ARHGAP32: variants seen among roughly 807,000 people sequenced by gnomAD.
ARHGAP32 encodes the protein Rho GTPase activating protein 32.
Under a neutral mutation model 186.5 loss-of-function variants are expected in ARHGAP32, and 51 were observed. That is an observed-to-expected ratio of 0.27 (90% CI 0.22 to 0.35). The LOEUF (loss-of-function observed/expected upper bound fraction) is 0.35, where lower values mean the gene tolerates loss of function less well. Ranked by LOEUF, ARHGAP32 falls within the 10% of genes least tolerant of loss-of-function variation. The pLI, the probability that ARHGAP32 is intolerant of heterozygous loss-of-function variation, is 1.00. For synonymous variants in ARHGAP32, 950 were observed against 964.3 expected, an observed-to-expected ratio of 0.99 and a Z score of 0.27; for missense variants, 2,186 against 2,623.5, an observed-to-expected ratio of 0.83 and a Z score of 3.64.
At chr11:129,062,539 G>A (rs1940543114) in intron 9 of ARHGAP32, among the ~76,000 whole-genome samples, 182 bp from the exon 10 acceptor site, 1 of 152,092 alleles carries the variant, frequency 6.6e-6, no homozygotes, top group South Asian at 2.1e-4. Flanking sequence ...ATTTGTTAAA[G>A]AGAGGTCTAC....
upstream of ARHGAP32, among the ~76,000 whole-genome samples, chr11:129,193,815 A>G (rs1457752949): frequency 8.0e-5 from 11 of 137,486 alleles, no homozygotes; most frequent in Non-Finnish European, 1.4e-4. Flanking sequence ...AAACAACAGA[A>G]CAACATTATA....
chr11:129,022,825 G>C (rs1005394507), intron 11 of ARHGAP32, among the ~76,000 whole-genome samples: 2 of 151,986 alleles, frequency 1.3e-5, no homozygotes, highest in East Asian at 1.9e-4. Flanking sequence ...AGTCCTTCCT[G>C]CTCTAATTTT....
rs138051393 is a variant in ARHGAP32 at position 128,970,480 on chromosome 11, G to A, written c.4733C>T (p.Ser1578Phe). 1.2e-6 allele frequency: 2 copies of A among 1,614,164 alleles called. No individual in the cohort carries two copies. The highest frequency in any genetic ancestry group is 1.7e-6 in the Non-Finnish European group (2 of 1,180,018). ...RVEYVSSLSS[S>F]VRNTCYPEDI... ...TTCGGGGTAACAGGTATTCCTGACAGAGGAGCTCAAAGAAGACACATACTC... is the reference window on the plus strand; with the variant it reads ...TTCGGGGTAACAGGTATTCCTGACAAAGGAGCTCAAAGAAGACACATACTC... The change falls in exon 23 of 23, where the codon TCT (serine) becomes TTT (phenylalanine). Residue 1578 changes from serine to phenylalanine, a missense_variant. Ser to Phe is a radical substitution (Grantham distance 155). Coordinates refer to ENST00000682385, the MANE Select transcript of ARHGAP32 (RefSeq NM_001378024.1). The surrounding 1 kb of genome is among the most constrained non-coding windows in gnomAD (Gnocchi z 5.8).
rs538528162 is a variant in ARHGAP32, at chr11:129,274,763, T to A, written c.-5+4383A>T. Among the ~76,000 whole-genome samples the A allele has an allele frequency of 6.5e-4, 99 of 151,512 alleles. No individual in the cohort carries two copies. The East Asian group carries it at 0.016, about 25-fold the overall frequency. ...ACTAGATCTATTTAGAAAAAAAAAA[T>A]TAGCTTTTATTATTTCAACTCTGAG... On this transcript the variant is annotated intron_variant, in intron 1 of 6. Coordinates refer to the ARHGAP32 transcript ENST00000525234.
At chr11:129,149,584 G>A (rs1943244868) in intron 2 of ARHGAP32, among the ~76,000 whole-genome samples, 1 of 152,166 alleles carries the variant, frequency 6.6e-6, no homozygotes, top group Non-Finnish European at 1.5e-5. Context: ...TCAAGAAAAG[G>A]GGGAGAGCAC....
chr11:129,263,139 G>A (rs1945346729), intron 1 of ARHGAP32, among the ~76,000 whole-genome samples: 1 of 152,110 alleles, frequency 6.6e-6, no homozygotes, highest in Non-Finnish European at 1.5e-5. Context: ...GGAAGTCTTA[G>A]AAGAAAACAT....
intron 1 of ARHGAP32, among the ~76,000 whole-genome samples, chr11:129,248,060 C>A (rs964740797): frequency 1.3e-5 from 2 of 152,086 alleles, no homozygotes; most frequent in African/African-American, 4.8e-5. Flanking sequence ...CACCTGTAAT[C>A]CCAGCACTTT....
chr11:129,084,767 T>C (rs900624021), intron 6 of ARHGAP32, among the ~76,000 whole-genome samples: 8 of 152,174 alleles, frequency 5.3e-5, no homozygotes, highest in Non-Finnish European at 1.0e-4. Flanking sequence ...TGTTCTGTAA[T>C]CAATTCTTTT....
At chr11:129,073,113 T>C (rs1940920520) in intron 6 of ARHGAP32, among the ~76,000 whole-genome samples, 1 of 152,148 alleles carries the variant, frequency 6.6e-6, no homozygotes, top group Admixed American at 6.5e-5. Context: ...GATTATGGAA[T>C]GCTTCCCCCT....
At chr11:128,997,372 A>G (rs74836525) in intron 12 of ARHGAP32, among the ~76,000 whole-genome samples, 5,567 of 152,314 alleles carry the variant, frequency 0.037, 134 homozygotes, top group Non-Finnish European at 0.052. Context: ...TCTTTAAACA[A>G]TGAGCAAGAC....
At chr11:129,111,929 T>C (rs1364097734) in intron 5 of ARHGAP32, among the ~76,000 whole-genome samples, 1 of 152,068 alleles carries the variant, frequency 6.6e-6, no homozygotes, top group Non-Finnish European at 1.5e-5. Flanking sequence ...GCCTGGCTAA[T>C]GTTTGTATTT....
intron 10 of ARHGAP32, among the ~76,000 whole-genome samples, chr11:129,044,433 G>A (rs563183906): frequency 1.3e-5 from 2 of 152,120 alleles, no homozygotes; most frequent in South Asian, 2.1e-4. Flanking sequence ...AGAACTTGGC[G>A]ATGACCTTGA....
rs1224535942 is a variant in ARHGAP32, at chr11:129,058,234, C to CTA, written c.963+4045_963+4046insTA. 9.5e-3 allele frequency among the ~76,000 whole-genome samples: 1,282 copies of CTA among 135,228 alleles called. 6 individuals are homozygous for CTA. Among genetic ancestry groups the CTA allele is most frequent in the Middle Eastern group, 0.023 (6 of 260 alleles). The allele number at this position is 135,228 out of a possible 152,430, so 88.7% of individuals were successfully genotyped here. A position where few individuals can be genotyped will look rare whatever the true frequency, so the allele number is the denominator to read the frequency against. On this transcript the variant is annotated intron_variant, in intron 10 of 22. Coordinates refer to ENST00000682385, the MANE Select transcript of ARHGAP32 (RefSeq NM_001378024.1). ...ACACACACACACACTCTCTCTCTCT[C>CTA]TCTCTATATATATATATATCTCATA...
intron 1 of ARHGAP32, among the ~76,000 whole-genome samples, chr11:129,268,652 T>C (rs1429777655): frequency 1.6e-5 from 2 of 128,928 alleles, no homozygotes; most frequent in Admixed American, 1.8e-4. Flanking sequence ...CTTTCGTTAT[T>C]TGCCTCCTCA....
At chr11:128,983,853 T>C (rs1211656298) in intron 15 of ARHGAP32, among the ~76,000 whole-genome samples, 2 of 152,198 alleles carry the variant, frequency 1.3e-5, no homozygotes, top group African/African-American at 4.8e-5. Context: ...TAAAAGTTAA[T>C]GTAGAATTTT....
At chr11:129,238,179 A>G (rs1944962648) in intron 1 of ARHGAP32, among the ~76,000 whole-genome samples, 2 of 152,196 alleles carry the variant, frequency 1.3e-5, no homozygotes, top group Non-Finnish European at 2.9e-5. Flanking sequence ...CTGCCATCCT[A>G]GAGACCAAAT....
At chr11:129,111,367 T>C (rs140199384) in intron 5 of ARHGAP32, among the ~76,000 whole-genome samples, 227 of 152,338 alleles carry the variant, frequency 1.5e-3, no homozygotes, top group African/African-American at 5.0e-3. Flanking sequence ...ATCAGGGATA[T>C]TGATCTGTAG....
intron 11 of ARHGAP32, among the ~76,000 whole-genome samples, chr11:129,004,236 A>G (rs1053406270): frequency 1.4e-5 from 2 of 142,978 alleles, no homozygotes; most frequent in African/African-American, 5.2e-5. Flanking sequence ...ATATCACTTC[A>G]ATGCTTTCCT....
intron 1 of ARHGAP32, among the ~76,000 whole-genome samples, chr11:129,187,180 G>A (rs867713766): frequency 6.6e-6 from 1 of 152,168 alleles, no homozygotes; most frequent in African/African-American, 2.4e-5. Flanking sequence ...ATACTATTCA[G>A]TCATAAAAAA....
Sources: gnomAD v4.1 joint callset for allele counts (sites outside exome capture counted in the v4.1 genomes callset) on GRCh38, gnomAD v4.1.1 for gene constraint, Gnocchi (gnomAD v3.1) non-coding constraint, MANE v1.5 for transcripts, NCBI Gene and HGNC (gene_info 2026-07-23, HGNC 2026-07-21) for gene names.